FAM110B: variants seen among roughly 807,000 people sequenced by gnomAD.
The protein encoded by FAM110B is protein FAM110B.
In FAM110B, 6 loss-of-function variants were observed where a neutral mutation model predicts 20.4. The observed-to-expected ratio is 0.29, with a 90% CI of 0.16 to 0.58. The LOEUF is 0.58. FAM110B is among the 20% of genes least tolerant of loss of function. The pLI, the probability that FAM110B is intolerant of heterozygous loss-of-function variation, is 0.90. For synonymous variants in FAM110B, 226 were observed against 214.1 expected (o/e 1.06, Z -0.49); for missense variants, 434 against 498.2 (o/e 0.87, Z 1.23).
intron 3 of FAM110B, among the ~76,000 whole-genome samples, chr8:58,089,214 G>A: frequency 6.6e-6 from 1 of 152,196 alleles, no homozygotes; most frequent in East Asian, 1.9e-4. Context: ...GTCATCTGTG[G>A]CTAAGCTGTA....
intron 3 of FAM110B, among the ~76,000 whole-genome samples, chr8:58,116,382 C>T (rs1807213797): frequency 6.6e-6 from 1 of 152,112 alleles, no homozygotes; most frequent in Admixed American, 6.5e-5. Context: ...CAGGTTGTGT[C>T]CATTATCTCT....
chr8:58,101,085 G>A (rs1276271608), intron 3 of FAM110B: 3 of 151,980 alleles, frequency 2.0e-5, no homozygotes, highest in Admixed American at 6.6e-5. Context: ...GCTGAGGCAG[G>A]AGAATGGCGT....
intron 3 of FAM110B, among the ~76,000 whole-genome samples, chr8:58,099,621 A>G (rs1360830246): frequency 6.6e-6 from 1 of 152,212 alleles, no homozygotes; most frequent in Non-Finnish European, 1.5e-5. Flanking sequence ...GGGCAGATTT[A>G]GTACTCTCAT....
intron 2 of FAM110B, among the ~76,000 whole-genome samples, chr8:58,066,327 C>T (rs1805760490): frequency 6.6e-6 from 1 of 152,142 alleles, no homozygotes; most frequent in South Asian, 2.1e-4. Flanking sequence ...ACTCGGTGTT[C>T]GGGGCTGATG....
At chr8:58,058,397 A>T (rs1373745339) in intron 2 of FAM110B, among the ~76,000 whole-genome samples, 1 of 152,192 alleles carries the variant, frequency 6.6e-6, no homozygotes, top group Non-Finnish European at 1.5e-5. Context: ...TTTCCTCCAG[A>T]AAGTGGCTTT....
chr8:58,143,585 C>A (rs984477595), intron 3 of FAM110B, among the ~76,000 whole-genome samples: 4 of 152,192 alleles, frequency 2.6e-5, no homozygotes, highest in Non-Finnish European at 4.4e-5. Context: ...GGGTGTCTGC[C>A]ACATGAATAG....
At chr8:58,137,405 C>G (rs1358887262) in intron 3 of FAM110B, among the ~76,000 whole-genome samples, 2 of 152,060 alleles carry the variant, frequency 1.3e-5, no homozygotes, top group African/African-American at 2.4e-5. Context: ...ACTAAAAATA[C>G]CAAAAATTAG....
At chr8:58,061,482 C>G (rs1331079199) in intron 2 of FAM110B, among the ~76,000 whole-genome samples, 1 of 152,182 alleles carries the variant, frequency 6.6e-6, no homozygotes, top group East Asian at 1.9e-4. Context: ...ATTAGAAGGC[C>G]TGCCTGCAGT....
intron 2 of FAM110B, among the ~76,000 whole-genome samples, chr8:58,066,013 G>T (rs1182718314): frequency 6.6e-6 from 1 of 152,104 alleles, no homozygotes; most frequent in Admixed American, 6.5e-5. Flanking sequence ...GAGGAGCCGT[G>T]ATGACAAGGA....
intron 3 of FAM110B, among the ~76,000 whole-genome samples, chr8:58,097,399 A>C (rs1285980717): frequency 6.6e-6 from 1 of 152,166 alleles, no homozygotes; most frequent in African/African-American, 2.4e-5. Context: ...CCATCAGGTC[A>C]TTTATATTCT....
chr8:58,105,816 C>T (rs1399103656), intron 3 of FAM110B, among the ~76,000 whole-genome samples: 4 of 152,038 alleles, frequency 2.6e-5, no homozygotes, highest in South Asian at 4.2e-4. Context: ...GTGATCCGCC[C>T]GCCTCAGCCT....
chr8:58,144,691 G>T (rs1803817571), intron 3 of FAM110B, among the ~76,000 whole-genome samples: 3 of 152,170 alleles, frequency 2.0e-5, no homozygotes, highest in African/African-American at 7.2e-5. Flanking sequence ...AGTTGAATAG[G>T]TTACTCTCTT....
chr8:58,097,847 G>A (rs781685421), intron 3 of FAM110B, among the ~76,000 whole-genome samples: 12 of 152,186 alleles, frequency 7.9e-5, no homozygotes, highest in Non-Finnish European at 1.6e-4. Context: ...GTCTGCTGGA[G>A]GTCCACTCCA....
intron 2 of FAM110B, among the ~76,000 whole-genome samples, chr8:58,040,766 T>TA (rs554784848): frequency 0.023 from 3,493 of 152,100 alleles, 150 homozygotes; most frequent in African/African-American, 0.08. Flanking sequence ...TCAGCTTTTT[T>TA]AAAAAAAATC....
intron 2 of FAM110B, among the ~76,000 whole-genome samples, chr8:58,058,171 G>A (rs949760533): frequency 6.6e-6 from 1 of 152,174 alleles, no homozygotes; most frequent in African/African-American, 2.4e-5. Context: ...AGTGACAGCT[G>A]TTATTATTTA....
chr8:58,129,622 A>G (rs753690188), intron 3 of FAM110B, among the ~76,000 whole-genome samples: 2 of 152,168 alleles, frequency 1.3e-5, no homozygotes. Context: ...TATGAGAAGT[A>G]TGTGAGGCTC....
Position 58,144,327 on chromosome 8 carries a change from G to A in FAM110B, c.-324-1580G>A, listed in dbSNP as rs1218296499. Among the ~76,000 whole-genome samples, 3 of 152,128 alleles carry A rather than the reference G, an allele frequency of 2.0e-5. No homozygotes were observed. In the East Asian group the frequency reaches 5.8e-4, roughly 29 times the overall value. ...ATGAGATTGTGCCTCCAGAGGAATC[G>A]GGGCTCCCTTCTGGCATTTCATTCA... On this transcript the variant is annotated intron_variant, in intron 3 of 3. Coordinates refer to ENST00000519262, the MANE Select transcript of FAM110B (RefSeq NM_001377989.1).
intron 3 of FAM110B, among the ~76,000 whole-genome samples, chr8:58,102,904 A>G (rs1215802671): frequency 6.6e-6 from 1 of 150,980 alleles, no homozygotes; most frequent in South Asian, 2.1e-4. Context: ...CTTCAAAGCC[A>G]TGAAACAGGT....
chr8:58,125,497 T>C (rs1807476151), intron 3 of FAM110B, among the ~76,000 whole-genome samples: 2 of 152,362 alleles, frequency 1.3e-5, no homozygotes, highest in South Asian at 2.1e-4. Context: ...TCAGTACTAT[T>C]TAAAAAACAT....
Sources: gnomAD v4.1 joint callset for allele counts (sites outside exome capture counted in the v4.1 genomes callset) on GRCh38, gnomAD v4.1.1 for gene constraint, MANE v1.5 for transcripts, NCBI Gene and HGNC (gene_info 2026-07-23, HGNC 2026-07-21) for gene names.